Variants in MBP observed in about 807,000 individuals in gnomAD.
MBP encodes Golli-MBP.
Under a neutral mutation model 35.8 loss-of-function variants are expected in MBP, and 16 were observed. The observed-to-expected ratio is 0.45, with a 90% CI of 0.30 to 0.68. The LOEUF is 0.68. Ranked by LOEUF, MBP falls within the 30% of genes least tolerant of loss-of-function variation. MBP has a pLI of 0.08. For missense variants in MBP, 380 were observed against 404.7 expected (o/e 0.94, Z 0.52); for synonymous variants, 143 against 159.6 (o/e 0.90, Z 0.78).
At chr18:77,025,042 C>T (rs1972148541) in intron 3 of MBP, among the ~76,000 whole-genome samples, 1 of 152,146 alleles carries the variant, frequency 6.6e-6, no homozygotes, top group Non-Finnish European at 1.5e-5. Context: ...TCGTAACTCT[C>T]CGAGGCGGGT....
At chr18:76,986,303 T>C (rs1421058564) in intron 7 of MBP, 16 of 985,540 alleles carry the variant, frequency 1.6e-5, no homozygotes, top group Non-Finnish European at 1.8e-5. Flanking sequence ...CCCTCCTCTA[T>C]CAGCCTGCAG....
chr18:76,985,552 A>G, intron 7 of MBP: 1 of 1,106,178 alleles, frequency 9.0e-7, no homozygotes, highest in South Asian at 2.2e-5. Flanking sequence ...CCTTGGCCAT[A>G]GCTCGGACTG....
chr18:77,102,283 T>C lies in MBP; in HGVS notation c.51+2928A>G, dbSNP rs1976060063. ...CAGATCAGTAACCAGCACCTGAAACTGACAGAAACTTTCCTTGACTCTCTC... is the reference window on the plus strand; with the variant it reads ...CAGATCAGTAACCAGCACCTGAAACCGACAGAAACTTTCCTTGACTCTCTC... On this transcript the variant is annotated intron_variant, in intron 2 of 8. Coordinates refer to ENST00000355994, the MANE Select transcript of MBP (RefSeq NM_001025101.2). This position sits in a 1 kb window ranked among gnomAD's most constrained non-coding sequence, Gnocchi z 4.4. Among the ~76,000 whole-genome samples, 1 of 152,118 alleles carries C rather than the reference T, an allele frequency of 6.6e-6. No individual in the cohort carries two copies. The highest frequency in any genetic ancestry group is 2.1e-4 in the South Asian group (1 of 4,832).
intron 3 of MBP, among the ~76,000 whole-genome samples, chr18:77,029,240 C>T (rs1253986419): frequency 1.3e-5 from 2 of 148,658 alleles, no homozygotes; most frequent in African/African-American, 2.4e-5. Context: ...GAAACCCCGG[C>T]TCCACCAAAA....
chr18:76,991,281 C>A (rs1403609491), intron 4 of MBP, among the ~76,000 whole-genome samples: 2 of 152,080 alleles, frequency 1.3e-5, no homozygotes, highest in Non-Finnish European at 2.9e-5. Context: ...ATCAACAGAA[C>A]CAGAACACTC....
intron 4 of MBP, among the ~76,000 whole-genome samples, chr18:77,010,908 A>G (rs1216852560): frequency 6.6e-6 from 1 of 152,246 alleles, no homozygotes; most frequent in East Asian, 1.9e-4. Flanking sequence ...GAGAAGAGAA[A>G]GAGGAGACTT....
At chr18:77,067,887 G>A in intron 2 of MBP, 1 of 499,592 alleles carries the variant, frequency 2.0e-6, no homozygotes, top group Non-Finnish European at 4.0e-6. Flanking sequence ...TTCAGACCTA[G>A]TGTGACTCAC....
intron 2 of MBP, among the ~76,000 whole-genome samples, chr18:77,081,997 G>A (rs374751628): frequency 3.3e-5 from 5 of 151,506 alleles, no homozygotes; most frequent in Admixed American, 6.6e-5. Context: ...GACTACAGGT[G>A]CCCGCCACAA....
intron 3 of MBP, among the ~76,000 whole-genome samples, chr18:77,053,563 C>A (rs1973597802): frequency 2.0e-5 from 1 of 49,502 alleles, no homozygotes; most frequent in African/African-American, 9.5e-5. Context: ...GGTACTCTTA[C>A]ACACACACAC....
chr18:77,029,748 T>A (rs753193503), intron 3 of MBP, among the ~76,000 whole-genome samples: 85 of 152,034 alleles, frequency 5.6e-4, no homozygotes, highest in Non-Finnish European at 1.1e-3. Flanking sequence ...TTGGTTAGTT[T>A]TGAGTGTTCT....
chr18:76,987,839 C>A, intron 7 of MBP: 1 of 1,035,282 alleles, frequency 9.7e-7, no homozygotes, highest in Non-Finnish European at 1.2e-6. Flanking sequence ...GCTCAGACAC[C>A]AAATTTTTTC....
At chr18:77,082,053 T>A (rs71360992) in intron 2 of MBP, among the ~76,000 whole-genome samples, 1 of 150,288 alleles carries the variant, frequency 6.7e-6, no homozygotes, top group East Asian at 2.0e-4. Flanking sequence ...GGGGTTTCAC[T>A]GTGTTAGCCG....
intron 2 of MBP, chr18:77,067,873 C>T (rs769214616): frequency 7.9e-6 from 4 of 507,474 alleles, no homozygotes; most frequent in Admixed American, 6.0e-5. Context: ...ACCCTGAAGT[C>T]TGATTCAGAC....
At chr18:76,999,955 A>C in intron 4 of MBP, among the ~76,000 whole-genome samples, 1 of 152,172 alleles carries the variant, frequency 6.6e-6, no homozygotes, top group East Asian at 1.9e-4. Context: ...CTAGGATGTC[A>C]GTTGCACTAT....
chr18:77,086,349 T>C (rs1975236068), intron 2 of MBP, among the ~76,000 whole-genome samples: 1 of 152,184 alleles, frequency 6.6e-6, no homozygotes, highest in African/African-American at 2.4e-5. Context: ...ATGCCAACCA[T>C]CACGATCAAT....
chr18:77,040,386 C>T (rs1972943482), intron 3 of MBP, among the ~76,000 whole-genome samples: 1 of 152,196 alleles, frequency 6.6e-6, no homozygotes, highest in African/African-American at 2.4e-5. Flanking sequence ...ATGCCATCCC[C>T]ATCAAGCTAC....
At chr18:77,064,814 G>A (rs1375783552) in intron 3 of MBP, among the ~76,000 whole-genome samples, 1 of 152,204 alleles carries the variant, frequency 6.6e-6, no homozygotes, top group Non-Finnish European at 1.5e-5. Flanking sequence ...TGATCTTGGG[G>A]AAAGGGATGC....
chr18:77,052,328 C>CG (rs942571157), intron 3 of MBP, among the ~76,000 whole-genome samples: 6 of 152,108 alleles, frequency 3.9e-5, no homozygotes, highest in South Asian at 2.1e-4. Flanking sequence ...GCATCCCGAT[C>CG]GGGGGGGTAA....
intron 3 of MBP, chr18:77,017,669 T>C (rs1599074895): frequency 6.0e-6 from 1 of 167,188 alleles, no homozygotes; most frequent in African/African-American, 2.4e-5. Flanking sequence ...AAGTTAAATA[T>C]GCAAGGAGCA....
Sources: allele counts gnomAD v4.1 joint callset (sites outside exome capture counted in the v4.1 genomes callset), GRCh38; gene constraint gnomAD v4.1.1; non-coding constraint Gnocchi (gnomAD v3.1); transcripts MANE v1.5; gene names NCBI Gene and HGNC (gene_info 2026-07-23, HGNC 2026-07-21).